The following ZNF202 variants were observed in gnomAD, a reference collection of about 807,000 sequenced individuals.
ZNF202 encodes the protein zinc finger protein with KRAB and SCAN domains 10.
ZNF202 carries 22 observed loss-of-function variants against 54.5 expected under a neutral mutation model. The ratio of observed to expected loss-of-function variants is 0.40; its 90% CI spans 0.29 to 0.58. The LOEUF (loss-of-function observed/expected upper bound fraction) is 0.58, where lower values mean the gene tolerates loss of function less well. Among genes scored for constraint, ZNF202 ranks in the 20% least tolerant of loss-of-function variants. The pLI is 0.39. For missense variants in ZNF202, 644 were observed against 805.5 expected (o/e 0.80, Z 2.43); for synonymous variants, 294 against 301.4 (o/e 0.98, Z 0.26).
At chr11:123,735,701 T>C (rs1422345403) in intron 3 of ZNF202, among the ~76,000 whole-genome samples, 1 of 152,210 alleles carries the variant, frequency 6.6e-6, no homozygotes, top group African/African-American at 2.4e-5. Context: ...CCTCTGCAGA[T>C]AACCAGTCTC....
Position 123,724,008 on chromosome 11 carries a change from A to G in ZNF202, c.*1989T>C, listed in dbSNP as rs762210150. Among the ~76,000 whole-genome samples the G allele has an allele frequency of 2.0e-5, 3 of 152,258 alleles. No individual in the cohort carries two copies. Among genetic ancestry groups the G allele is most frequent in the Non-Finnish European group, 2.9e-5 (2 of 68,036 alleles). Reference sequence around the variant, plus strand: ...AATTTGTTGTCACTGCCAGTATTTTACCAACCTTTATAAATGGTTAAGTCT... The same window carrying G: ...AATTTGTTGTCACTGCCAGTATTTTGCCAACCTTTATAAATGGTTAAGTCT... On this transcript the variant is annotated 3_prime_UTR_variant, in exon 9 of 9. Transcript: ENST00000530393.
chr11:123,733,903 G>T (rs1167508969), intron 3 of ZNF202, among the ~76,000 whole-genome samples: 1 of 152,188 alleles, frequency 6.6e-6, no homozygotes, highest in Non-Finnish European at 1.5e-5. Flanking sequence ...GCTTAATTCT[G>T]TAACTTTCAC....
At position 123,725,708 on chromosome 11, in the gene ZNF202, C is replaced by A; in HGVS notation, c.*289G>T. ...ATATAGGAACCACGACCTCTTAAGTCTCTTAGTTCTCCTACTTTATACCCA... is the reference window on the plus strand; with the variant it reads ...ATATAGGAACCACGACCTCTTAAGTATCTTAGTTCTCCTACTTTATACCCA... On this transcript the variant is annotated 3_prime_UTR_variant, in exon 9 of 9. Coordinates refer to ENST00000530393, the MANE Select transcript of ZNF202 (RefSeq NM_003455.4). The A allele has an allele frequency of 2.8e-6, 1 of 362,946 alleles. No individual in the cohort carries two copies. 22.5% of individuals were successfully genotyped at this position (362,946 alleles called of 1,614,324 possible).
intron 3 of ZNF202, among the ~76,000 whole-genome samples, chr11:123,735,561 G>A (rs1039203987): frequency 1.3e-5 from 2 of 152,118 alleles, no homozygotes; most frequent in African/African-American, 4.8e-5. Context: ...AGGAGGTACA[G>A]CAGTGCTGTG....
chr11:123,728,004 A>T, intron 7 of ZNF202, 129 bp downstream of exon 7: 1 of 1,062,936 alleles, frequency 9.4e-7, no homozygotes, highest in Non-Finnish European at 1.3e-6. Flanking sequence ...CTAATCCCTC[A>T]ATTTTATTGG....
At chr11:123,735,321 A>C (rs6590005) in intron 3 of ZNF202, among the ~76,000 whole-genome samples, 33,431 of 152,064 alleles carry the variant, frequency 0.22, 4,617 homozygotes, top group East Asian at 0.35. Context: ...GTATGCATTG[A>C]CAGAAGAGTT....
chr11:123,732,314 T>C (rs1475174671), intron 3 of ZNF202, among the ~76,000 whole-genome samples: 1 of 152,200 alleles, frequency 6.6e-6, no homozygotes, highest in Non-Finnish European at 1.5e-5. Flanking sequence ...CGCTGTCTTG[T>C]TAAGTGAAAT....
In ZNF202 at chr11:123,723,949, A is replaced by T. The variant is rs777118406; in HGVS notation, c.*2048T>A. Among the ~76,000 whole-genome samples the T allele has an allele frequency of 1.3e-5, 2 of 152,218 alleles. No homozygotes were observed. Among genetic ancestry groups the T allele is most frequent in the African/African-American group, 2.4e-5 (1 of 41,456 alleles). On this transcript the variant is annotated 3_prime_UTR_variant, in exon 9 of 9. Coordinates refer to ENST00000530393, the MANE Select transcript of ZNF202 (RefSeq NM_003455.4). The stretch of plus-strand genomic sequence containing the variant: ...GTAGAACTCTGACAGATTTTCATTT[A>T]TTGGAATAATGCAAATAAGAAAATT...
intron 3 of ZNF202, among the ~76,000 whole-genome samples, chr11:123,732,545 T>G (rs1170102622): frequency 6.6e-6 from 1 of 152,196 alleles, no homozygotes; most frequent in Non-Finnish European, 1.5e-5. Flanking sequence ...CTTCATGTCT[T>G]CTGAGATGTT....
At chr11:123,729,313 C>T in intron 5 of ZNF202, 99 bp from the exon 6 acceptor site, 1 of 1,208,356 alleles carries the variant, frequency 8.3e-7, no homozygotes, top group South Asian at 1.3e-5. Flanking sequence ...GAAGGTGGCC[C>T]TATCCTTTCT....
Position 123,726,284 on chromosome 11 carries a change from C to T in ZNF202, c.1660G>A (p.Ala554Thr). 6.2e-7 allele frequency: 1 copy of T among 1,614,204 alleles called. No homozygotes were observed. Among genetic ancestry groups the T allele is most frequent in the Non-Finnish European group, 8.5e-7 (1 of 1,180,030 alleles). Residue 554 changes from alanine to threonine, a missense_variant, in exon 9 of 9, where the codon GCG (alanine) becomes ACG (threonine). By Grantham distance (58) the Ala-to-Thr change is moderately conservative. Coordinates refer to ENST00000530393, the MANE Select transcript of ZNF202 (RefSeq NM_003455.4). This position sits in a 1 kb window ranked among gnomAD's most constrained non-coding sequence, Gnocchi z 6.0. ...TCAGCAGCGTGCGTCTTCCGGTGCGCCAGGTACCGCCTGTGTTCACTGAAG... is the reference window on the plus strand; with the variant it reads ...TCAGCAGCGTGCGTCTTCCGGTGCGTCAGGTACCGCCTGTGTTCACTGAAG... ...EDFSEHRRYLAHRKTHAAEEL... is the reference protein window; with the variant it reads ...EDFSEHRRYLTHRKTHAAEEL...
intron 3 of ZNF202, among the ~76,000 whole-genome samples, chr11:123,733,983 C>T (rs1861521547): frequency 6.6e-6 from 1 of 152,166 alleles, no homozygotes. Flanking sequence ...CCCTAGAAAC[C>T]TTATTTTGGT....
At position 123,724,216 on chromosome 11, in the gene ZNF202, T is replaced by C. The variant is rs1861022098; in HGVS notation, c.*1781A>G. On this transcript the variant is annotated 3_prime_UTR_variant, in exon 9 of 9. Transcript: ENST00000530393. ...TCTGCTAATCATCCCAACCCTTCCTTTCCTCAAGGAAAAATACTCTGTACT... is the reference window on the plus strand; with the variant it reads ...TCTGCTAATCATCCCAACCCTTCCTCTCCTCAAGGAAAAATACTCTGTACT... The C allele has an allele frequency of 6.6e-6, 1 of 152,204 alleles. No individual in the cohort carries two copies. The highest frequency in any genetic ancestry group is 2.1e-4 in the South Asian group (1 of 4,834). The allele number at this position is 152,204 out of a possible 1,614,324, so 9.4% of individuals were successfully genotyped here.
At position 123,728,274 on chromosome 11, in the gene ZNF202, T is replaced by G. The variant is rs201710489; in HGVS notation, c.703-12A>C. 1 of 1,601,832 alleles carries G rather than the reference T, an allele frequency of 6.2e-7. No homozygotes were observed. Among genetic ancestry groups the G allele is most frequent in the Non-Finnish European group, 8.5e-7 (1 of 1,173,734 alleles). On this transcript the variant is annotated splice_polypyrimidine_tract_variant and intron_variant, in intron 6 of 8. Coordinates refer to ENST00000530393, the MANE Select transcript of ZNF202 (RefSeq NM_003455.4). ...AACGTTACCAGTCCCTGAAACCACA[T>G]AAGGATTTCATCAAAACGTGATGCT...
rs1861539716 is a variant in ZNF202, at chr11:123,734,264, T to TTA, written c.-97-3280_-97-3279insTA. Among the ~76,000 whole-genome samples the TTA allele has an allele frequency of 2.6e-5, 4 of 152,238 alleles. No homozygotes were observed. The South Asian group carries it at 8.3e-4, about 32-fold the overall frequency. On this transcript the variant is annotated intron_variant, in intron 3 of 8. Coordinates refer to ENST00000530393, the MANE Select transcript of ZNF202 (RefSeq NM_003455.4). ...TACTCCAAGTAGGTGAGTGGTGAAC[T>TTA]TCCTAACATACAAAATCTGCCAATG...
In ZNF202 at chr11:123,740,133, G is replaced by A. The variant is rs183732941; in HGVS notation, c.-114C>T. 1 of 152,214 alleles carries A rather than the reference G, an allele frequency of 6.6e-6. No homozygotes were observed. Among genetic ancestry groups the A allele is most frequent in the Non-Finnish European group, 1.5e-5 (1 of 68,050 alleles). 9.4% of individuals were successfully genotyped at this position (152,214 alleles called of 1,614,324 possible). Reference sequence around the variant, plus strand: ...GTAACTTACCTCATCTGTACAATTTGCAATGGCTGAGTCCCTCACATTGTG... The same window carrying A: ...GTAACTTACCTCATCTGTACAATTTACAATGGCTGAGTCCCTCACATTGTG... On this transcript the variant is annotated 5_prime_UTR_variant, in exon 3 of 9. Transcript: ENST00000530393.
intron 3 of ZNF202, among the ~76,000 whole-genome samples, chr11:123,733,556 T>C (rs1277425691): frequency 6.6e-6 from 1 of 152,190 alleles, no homozygotes; most frequent in Non-Finnish European, 1.5e-5. Context: ...ATGGTTTCAA[T>C]GATCTTGGAC....
intron 3 of ZNF202, among the ~76,000 whole-genome samples, chr11:123,735,970 G>A (rs539585009): frequency 1.5e-4 from 23 of 152,114 alleles, no homozygotes; most frequent in Non-Finnish European, 1.9e-4. Flanking sequence ...ATGAAACCAG[G>A]CCAGGATTAA....
intron 1 of ZNF202, among the ~76,000 whole-genome samples, chr11:123,740,775 C>T (rs988948088): frequency 3.3e-5 from 5 of 152,218 alleles, no homozygotes; most frequent in African/African-American, 1.2e-4. Context: ...TGAAGGAACA[C>T]AGCCTATCCA....
Sources: gnomAD v4.1 joint callset for allele counts (sites outside exome capture counted in the v4.1 genomes callset) on GRCh38, gnomAD v4.1.1 for gene constraint, Gnocchi (gnomAD v3.1) non-coding constraint, MANE v1.5 for transcripts, NCBI Gene and HGNC (gene_info 2026-07-23, HGNC 2026-07-21) for gene names.